PHF19: variants seen among roughly 807,000 people sequenced by gnomAD.
PHF19 encodes polycomb like 3.
In PHF19, 21 loss-of-function variants were observed where a neutral mutation model predicts 79.8. The observed-to-expected ratio is 0.26, with a 90% CI of 0.19 to 0.38. PHF19 has a LOEUF of 0.38. Ranked by LOEUF, PHF19 falls within the 10% of genes least tolerant of loss-of-function variation. The pLI, the probability that PHF19 is intolerant of heterozygous loss-of-function variation, is 1.00. For synonymous variants in PHF19, 273 were observed against 296.3 expected, an observed-to-expected ratio of 0.92 and a Z score of 0.81; for missense variants, 445 against 744.2, an observed-to-expected ratio of 0.60 and a Z score of 4.68.
At chr9:120,877,237 CG>C, upstream of PHF19, 1 of 278,884 alleles carries the variant, frequency 3.6e-6, no homozygotes, top group Non-Finnish European at 4.8e-6. Flanking sequence ...CGGGGCGGGG[CG>C]GGGGCGCCGC....
In PHF19 at chr9:120,868,787, G is replaced by C. The variant is rs938209959; in HGVS notation, c.614+395C>G. The C allele has an allele frequency of 3.0e-6, 3 of 991,622 alleles. No homozygotes were observed. The African/African-American group carries it at 5.2e-5, about 17-fold the overall frequency. 61.4% of individuals were successfully genotyped at this position (991,622 alleles called of 1,614,324 possible). A position where few individuals can be genotyped will look rare whatever the true frequency, so the allele number is the denominator to read the frequency against. On this transcript the variant is annotated intron_variant, in intron 6 of 14. Coordinates refer to ENST00000373896, the MANE Select transcript of PHF19 (RefSeq NM_015651.3). ...CCTCCCCACCCCGCCCCTCCACAGG[G>C]TGCTTCTCGACCTGCCTCACCTCCC...
intron 6 of PHF19, chr9:120,868,254 T>G (rs74646160): frequency 1.3e-5 from 2 of 152,198 alleles, no homozygotes; most frequent in Non-Finnish European, 2.9e-5. Context: ...GATCTTCATA[T>G]CTCACCAGCA....
In PHF19 at chr9:120,862,206, G is replaced by C. The variant is rs747170142; in HGVS notation, c.1131-201C>G. Among the ~76,000 whole-genome samples, 2 of 152,202 alleles carry C rather than the reference G, an allele frequency of 1.3e-5. No homozygotes were observed. Among genetic ancestry groups the C allele is most frequent in the Non-Finnish European group, 2.9e-5 (2 of 68,010 alleles). On this transcript the variant is annotated intron_variant, in intron 11 of 14. Transcript: ENST00000373896. The surrounding 1 kb of genome is among the most constrained non-coding windows in gnomAD (Gnocchi z 4.6). Reference sequence around the variant, plus strand: ...GGTGGGAAGGTGTGGAGAAGGTATAGTGGGCAGAAAAAGAAAAGGTGCCTC... The same window carrying C: ...GGTGGGAAGGTGTGGAGAAGGTATACTGGGCAGAAAAAGAAAAGGTGCCTC...
intron 9 of PHF19, among the ~76,000 whole-genome samples, chr9:120,865,041 A>C (rs1437149181): frequency 6.6e-6 from 1 of 152,238 alleles, no homozygotes; most frequent in Non-Finnish European, 1.5e-5. Flanking sequence ...AAATTATCAA[A>C]TACTGTAAAT....
In PHF19 at chr9:120,869,215, T is replaced by G; in HGVS notation, c.581A>C (p.Gln194Pro). Reference sequence around the variant, plus strand: ...CCCGCCGCAGTAGCAGTAGCATTGCTGCTGGTTGGTGCGATGGGGCGAGTC... The same window carrying G: ...CCCGCCGCAGTAGCAGTAGCATTGCGGCTGGTTGGTGCGATGGGGCGAGTC... ...EWDSPHRTNQ[Q>P]QCYCYCGGPG... Residue 194 changes from glutamine to proline, a missense_variant, in exon 6 of 15, where the codon CAG becomes CCG. Physicochemically the swap from Gln to Pro is moderately conservative, Grantham distance 76 (BLOSUM62 -1). Coordinates refer to ENST00000373896, the MANE Select transcript of PHF19 (RefSeq NM_015651.3). This position sits in a 1 kb window ranked among gnomAD's most constrained non-coding sequence, Gnocchi z 5.8. The G allele has an allele frequency of 6.2e-7, 1 of 1,611,834 alleles. No individual in the cohort carries two copies. Among genetic ancestry groups the G allele is most frequent in the Non-Finnish European group, 8.5e-7 (1 of 1,179,316 alleles).
At chr9:120,858,810 A>ATCACACACACACAC (rs1474901921) in intron 14 of PHF19, among the ~76,000 whole-genome samples, 36 of 62,144 alleles carry the variant, frequency 5.8e-4, no homozygotes, top group Middle Eastern at 7.4e-3. Flanking sequence ...ACTGACAGAC[A>ATCACACACACACAC]TCACACACAC....
rs557688294 is a variant in PHF19, at chr9:120,891,137, C to T, written c.42+3651G>A. On this transcript the variant is annotated intron_variant, in intron 1 of 14. Coordinates refer to the PHF19 transcript ENST00000616568. The surrounding 1 kb of genome is among the most constrained non-coding windows in gnomAD (Gnocchi z 4.3). ...TGCAGGGGTGGGGAGAGATTGAGCC[C>T]CCAGGGCTGGGTTAGGTATCCCTGC... 6.6e-6 allele frequency among the ~76,000 whole-genome samples: 1 copy of T among 152,244 alleles called. No homozygotes were observed. The highest frequency in any genetic ancestry group is 1.5e-5 in the Non-Finnish European group (1 of 68,030).
At chr9:120,894,333 C>G (rs1177793530) in intron 1 of PHF19, among the ~76,000 whole-genome samples, 1 of 152,224 alleles carries the variant, frequency 6.6e-6, no homozygotes, top group African/African-American at 2.4e-5. Flanking sequence ...TCAGGGAAAG[C>G]TGATCTGAAA....
At chr9:120,871,602 ATC>A (rs1217364972) in intron 3 of PHF19, among the ~76,000 whole-genome samples, 8 of 152,128 alleles carry the variant, frequency 5.3e-5, no homozygotes, top group Admixed American at 3.9e-4. Flanking sequence ...TCCCCTCTCC[ATC>A]TCTTTTTTTC....
At chr9:120,877,301 C>A, upstream of PHF19, 1 of 965,972 alleles carries the variant, frequency 1.0e-6, no homozygotes, top group Non-Finnish European at 1.2e-6. Flanking sequence ...AGGAAGGGGC[C>A]CCCCGGGCGC....
In PHF19 at chr9:120,858,190, G is replaced by A; in HGVS notation, c.1497C>T (p.Pro499=). 2.5e-6 allele frequency: 4 copies of A among 1,600,222 alleles called. No homozygotes were observed. The highest frequency in any genetic ancestry group is 1.7e-4 in the Middle Eastern group (1 of 6,018). Residue 499 remains proline, a synonymous_variant, in exon 15 of 15, where the codon CCC becomes CCT. Coordinates refer to ENST00000373896, the MANE Select transcript of PHF19 (RefSeq NM_015651.3). ...RWAAELDGRC[P]SDSSAEGASV... is the part of the protein sequence containing the mutation. The stretch of plus-strand genomic sequence containing the variant: ...AAGCCCCCTCTGCACTGCTGTCCGA[G>A]GGGCAGCGTCCATCCAGCTCAGCTG...
At chr9:120,882,687 C>G (rs2046203647) in intron 1 of PHF19, among the ~76,000 whole-genome samples, 1 of 151,736 alleles carries the variant, frequency 6.6e-6, no homozygotes, top group Admixed American at 6.6e-5. Flanking sequence ...ACTAAAAATA[C>G]AAAAATTAGT....
the PHF19 span, chr9:120,902,511 T>G: frequency 3.1e-5 from 2 of 64,542 alleles, no homozygotes; most frequent in African/African-American, 4.1e-5. Flanking sequence ...GGGCGGGGGG[T>G]GGGGGGGGGG....
Position 120,874,478 on chromosome 9 carries a change from C to A in PHF19, c.186+78G>T. ...GAATTCTCCAGCAATCCCCCTGCCC[C>A]CTGGTCTGACAGCCAGGCTGGAACA... On this transcript the variant is annotated intron_variant, in intron 2 of 14. Transcript: ENST00000373896. The surrounding 1 kb of genome is among the most constrained non-coding windows in gnomAD (Gnocchi z 4.5). The A allele has an allele frequency of 1.0e-6, 1 of 981,256 alleles. No homozygotes were observed. Among genetic ancestry groups the A allele is most frequent in the Non-Finnish European group, 1.6e-6 (1 of 631,782 alleles). The allele number at this position is 981,256 out of a possible 1,614,324, so 60.8% of individuals were successfully genotyped here. A position where few individuals can be genotyped will look rare whatever the true frequency, so the allele number is the denominator to read the frequency against.
chr9:120,893,585 T>G (rs932836384), intron 1 of PHF19, among the ~76,000 whole-genome samples: 2 of 152,228 alleles, frequency 1.3e-5, no homozygotes, highest in African/African-American at 4.8e-5. Context: ...GGTCATCACT[T>G]AAGTGAGCAA....
chr9:120,876,926 G>C (rs1396608623), intron 1 of PHF19, 165 bp downstream of exon 1: 1 of 973,478 alleles, frequency 1.0e-6, no homozygotes, highest in Non-Finnish European at 1.2e-6. Context: ...TGCCCCGCAG[G>C]TAACCTGCAC....
intron 1 of PHF19, among the ~76,000 whole-genome samples, chr9:120,886,472 G>T (rs943236935): frequency 3.3e-5 from 5 of 152,252 alleles, no homozygotes; most frequent in African/African-American, 1.2e-4. Flanking sequence ...GACCTCTGCA[G>T]CAAGGAGCTT....
In PHF19 at chr9:120,889,525, G is replaced by C. The variant is rs554372609; in HGVS notation, c.42+5263C>G. ...GGAAGCCGAGGTAGGAAGATCCTTTGAGCCTGGGAGTTCAAGGCCAGCCTG... is the reference window on the plus strand; with the variant it reads ...GGAAGCCGAGGTAGGAAGATCCTTTCAGCCTGGGAGTTCAAGGCCAGCCTG... On this transcript the variant is annotated intron_variant, in intron 1 of 14. Coordinates refer to the PHF19 transcript ENST00000616568. 6.0e-4 allele frequency among the ~76,000 whole-genome samples: 91 copies of C among 151,430 alleles called. No individual in the cohort carries two copies. In the South Asian group the frequency reaches 0.018, roughly 29 times the overall value.
intron 1 of PHF19, among the ~76,000 whole-genome samples, chr9:120,888,227 C>T (rs932171734): frequency 2.6e-5 from 4 of 152,174 alleles, no homozygotes; most frequent in South Asian, 2.1e-4. Context: ...CTGCCCATCT[C>T]GGCCTCCCAA....
Sources: allele counts gnomAD v4.1 joint callset (sites outside exome capture counted in the v4.1 genomes callset), GRCh38; gene constraint gnomAD v4.1.1; non-coding constraint Gnocchi (gnomAD v3.1); transcripts MANE v1.5; gene names NCBI Gene and HGNC (gene_info 2026-07-23, HGNC 2026-07-21).